CCDC83: variants seen among roughly 807,000 people sequenced by gnomAD.
The protein encoded by CCDC83 is coiled-coil domain containing 83, also known as coiled-coil domain-containing protein 83.
In CCDC83, 54 loss-of-function variants were observed where a neutral mutation model predicts 50.1. The ratio of observed to expected loss-of-function variants is 1.08; its 90% CI spans 0.87 to 1.35. CCDC83 has a LOEUF of 1.35. CCDC83 is among the 40% of genes most tolerant of loss of function. The pLI is 0.00. For missense variants in CCDC83, 518 were observed against 473.9 expected (o/e 1.09, Z -0.86); for synonymous variants, 161 against 153.3 (o/e 1.05, Z -0.37).
intron 7 of CCDC83, among the ~76,000 whole-genome samples, chr11:85,903,048 A>G (rs1315274576): frequency 6.6e-6 from 1 of 152,058 alleles, no homozygotes; most frequent in African/African-American, 2.4e-5. Flanking sequence ...CCTGGCCAAC[A>G]TGGTGAAACC....
intron 5 of CCDC83, 40 bp downstream of exon 5, chr11:85,886,407 A>G (rs1439739802): frequency 6.6e-7 from 1 of 1,521,190 alleles, no homozygotes; most frequent in Non-Finnish European, 8.9e-7. Context: ...AGTAAAAAAC[A>G]TCTTTAGTAG....
intron 10 of CCDC83, 170 bp downstream of exon 10, chr11:85,916,403 T>C: frequency 1.6e-6 from 1 of 616,960 alleles, no homozygotes; most frequent in Non-Finnish European, 2.9e-6. Context: ...TTTTCACTCC[T>C]ACTCTTGCCC....
intron 2 of CCDC83, among the ~76,000 whole-genome samples, chr11:85,867,237 G>A (rs904370299): frequency 4.6e-5 from 7 of 152,106 alleles, no homozygotes; most frequent in Non-Finnish European, 8.8e-5. Flanking sequence ...TTAATTTTGG[G>A]TAGAGCTGGG....
chr11:85,912,671 C>A (rs372770315), intron 8 of CCDC83: 1 of 1,609,090 alleles, frequency 6.2e-7, no homozygotes, highest in Non-Finnish European at 8.5e-7. Context: ...ACATTCCTGT[C>A]CCACCTCTAA....
intron 2 of CCDC83, among the ~76,000 whole-genome samples, chr11:85,867,287 C>T (rs1006695945): frequency 7.2e-5 from 11 of 152,146 alleles, no homozygotes; most frequent in African/African-American, 2.4e-4. Flanking sequence ...CTGCCTCAGC[C>T]TCCCAAAGTG....
At chr11:85,913,747 C>G (rs1398399145) in intron 8 of CCDC83, among the ~76,000 whole-genome samples, 1 of 152,198 alleles carries the variant, frequency 6.6e-6, no homozygotes, top group Non-Finnish European at 1.5e-5. Context: ...TTGGGGCAAA[C>G]AGATGAGGAA....
At chr11:85,887,193 T>C (rs1393617037) in intron 5 of CCDC83, among the ~76,000 whole-genome samples, 2 of 152,192 alleles carry the variant, frequency 1.3e-5, no homozygotes, top group African/African-American at 2.4e-5. Flanking sequence ...GCAATGAAGC[T>C]TACCAGGACT....
chr11:85,880,499 C>A (rs976775070), intron 3 of CCDC83, among the ~76,000 whole-genome samples: 1 of 152,014 alleles, frequency 6.6e-6, no homozygotes, highest in Non-Finnish European at 1.5e-5. Flanking sequence ...TGGTCTTGAA[C>A]TCCTAAGCTC....
chr11:85,865,165 C>A lies in CCDC83; in HGVS notation c.42C>A (p.Asp14Glu), dbSNP rs199934074. 6.2e-7 allele frequency: 1 copy of A among 1,612,804 alleles called. No homozygotes were observed. The highest frequency in any genetic ancestry group is 8.5e-7 in the Non-Finnish European group (1 of 1,178,950). The change falls in exon 2 of 11, where the codon GAC becomes GAA. Residue 14 changes from aspartate to glutamate, a missense_variant. Physicochemically the swap from Asp to Glu is conservative, Grantham distance 45. Coordinates refer to ENST00000342404, the MANE Select transcript of CCDC83 (RefSeq NM_001286159.2). ...AAGCAAATAAAAAGGATACACATGACGGGCCACCAAAAGAAATTAAACTGC... is the reference window on the plus strand; with the variant it reads ...AAGCAAATAAAAAGGATACACATGAAGGGCCACCAAAAGAAATTAAACTGC... The part of the protein sequence containing the change: ...SGKANKKDTH[D>E]GPPKEIKLPT...
intron 2 of CCDC83, among the ~76,000 whole-genome samples, chr11:85,871,239 A>G (rs550514528): frequency 6.6e-6 from 1 of 152,324 alleles, no homozygotes; most frequent in African/African-American, 2.4e-5. Context: ...AGCTCTTTAA[A>G]TCTACATTGT....
chr11:85,864,311 T>C (rs1192327399), intron 1 of CCDC83, among the ~76,000 whole-genome samples: 2 of 152,256 alleles, frequency 1.3e-5, no homozygotes, highest in East Asian at 1.9e-4. Context: ...TAGGTACTTA[T>C]TCTTTTAAGA....
intron 4 of CCDC83, among the ~76,000 whole-genome samples, chr11:85,885,162 C>T (rs911809780): frequency 2.0e-5 from 3 of 151,704 alleles, no homozygotes; most frequent in Admixed American, 6.6e-5. Context: ...TGCAGTGAGC[C>T]GAGATCGCGC....
intron 7 of CCDC83, among the ~76,000 whole-genome samples, chr11:85,904,930 A>G (rs1044246671): frequency 1.3e-5 from 2 of 152,226 alleles, no homozygotes; most frequent in Non-Finnish European, 2.9e-5. Context: ...TTATTAAGTC[A>G]TGGTGAATAG....
At chr11:85,901,427 A>G (rs555844504) in intron 7 of CCDC83, among the ~76,000 whole-genome samples, 1 of 151,976 alleles carries the variant, frequency 6.6e-6, no homozygotes, top group Admixed American at 6.6e-5. Context: ...AGAAAAGTTA[A>G]CCAGGCATGG....
chr11:85,910,558 T>C (rs1282538699), intron 7 of CCDC83, among the ~76,000 whole-genome samples: 2 of 152,216 alleles, frequency 1.3e-5, no homozygotes, highest in African/African-American at 4.8e-5. Context: ...TTGTATTGTT[T>C]ATAATTACCC....
At chr11:85,861,496 A>C (rs958538709) in intron 1 of CCDC83, among the ~76,000 whole-genome samples, 2 of 152,188 alleles carry the variant, frequency 1.3e-5, no homozygotes, top group African/African-American at 4.8e-5. Flanking sequence ...CCTTGATGGA[A>C]TCTTATTCTG....
intron 5 of CCDC83, among the ~76,000 whole-genome samples, chr11:85,892,254 G>A (rs888016152): frequency 4.6e-5 from 7 of 152,168 alleles, no homozygotes; most frequent in African/African-American, 1.7e-4. Context: ...GAAGCAAGGA[G>A]TCTTCTGCAC....
At chr11:85,917,166 GAGAAA>G (rs2093483049) in intron 10 of CCDC83, among the ~76,000 whole-genome samples, 1 of 62,416 alleles carries the variant, frequency 1.6e-5, no homozygotes, top group African/African-American at 5.6e-5. Context: ...GAGAGAGAGA[GAGAAA>G]GAAAGAAAGA....
intron 1 of CCDC83, 86 bp from the exon 2 acceptor site, chr11:85,865,010 G>C (rs1566068530): frequency 1.4e-6 from 1 of 694,038 alleles, no homozygotes; most frequent in East Asian, 2.5e-5. Flanking sequence ...CCAGTATTAA[G>C]TCCCAGAGGT....
Sources: gnomAD v4.1 joint callset for allele counts (sites outside exome capture counted in the v4.1 genomes callset) on GRCh38, gnomAD v4.1.1 for gene constraint, MANE v1.5 for transcripts, NCBI Gene and HGNC (gene_info 2026-07-23, HGNC 2026-07-21) for gene names.